The following SLC7A9 variants were observed in gnomAD, a reference collection of about 807,000 sequenced individuals.
SLC7A9 encodes B(0,+)-type amino acid transporter 1.
SLC7A9 carries 38 observed loss-of-function variants against 54.1 expected under a neutral mutation model. That is an observed-to-expected ratio of 0.70 (90% CI 0.54 to 0.92). The LOEUF (loss-of-function observed/expected upper bound fraction) is 0.92. SLC7A9 is among the 40% of genes least tolerant of loss of function. The pLI is 0.00. For synonymous variants in SLC7A9, 264 were observed against 258.9 expected, an observed-to-expected ratio of 1.02 and a Z score of -0.19; for missense variants, 537 against 636.1, an observed-to-expected ratio of 0.84 and a Z score of 1.68.
At chr19:32,859,728 T>A in intron 8 of SLC7A9, 113 bp downstream of exon 8, 1 of 955,554 alleles carries the variant, frequency 1.0e-6, no homozygotes, top group Non-Finnish European at 1.7e-6. Flanking sequence ...CATGTCCCCG[T>A]CCGTGAATAT....
At chr19:32,846,777 G>A (rs972950122) in intron 9 of SLC7A9, among the ~76,000 whole-genome samples, 1 of 152,240 alleles carries the variant, frequency 6.6e-6, no homozygotes, top group Non-Finnish European at 1.5e-5. Flanking sequence ...CCCAGTAGGG[G>A]CAGACTGACA....
intron 9 of SLC7A9, among the ~76,000 whole-genome samples, chr19:32,852,880 G>C (rs1458456919): frequency 6.8e-6 from 1 of 148,024 alleles, no homozygotes; most frequent in African/African-American, 2.5e-5. Context: ...AGTCCTGCCA[G>C]ATTTTACAAG....
chr19:32,835,195 T>G (rs2145797243), intron 11 of SLC7A9, among the ~76,000 whole-genome samples: 1 of 152,362 alleles, frequency 6.6e-6, no homozygotes, highest in Middle Eastern at 3.4e-3. Context: ...GGGTTCTGTT[T>G]GTTAACATTT....
intron 2 of SLC7A9, among the ~76,000 whole-genome samples, chr19:32,866,174 C>G (rs1030967537): frequency 6.6e-6 from 1 of 152,138 alleles, no homozygotes; most frequent in Non-Finnish European, 1.5e-5. Context: ...GGGCTCCCAG[C>G]TGCAGGCTGC....
chr19:32,864,422 C>G (rs1486406060), intron 3 of SLC7A9, 84 bp from the exon 4 acceptor site: 9 of 1,586,858 alleles, frequency 5.7e-6, no homozygotes, highest in Non-Finnish European at 7.7e-6. Flanking sequence ...CCGGAGGCTG[C>G]GCTCGTATGG....
chr19:32,844,346 A>G (rs1002449612), intron 9 of SLC7A9, among the ~76,000 whole-genome samples: 3 of 152,156 alleles, frequency 2.0e-5, no homozygotes, highest in Admixed American at 2.0e-4. Context: ...TCCCCTAGCT[A>G]TCTGAAGCTA....
rs192534799 is a variant in SLC7A9 at position 32,857,324 on chromosome 19, G to T, written c.977+1116C>A. ...CTGGGTGTGATGGCACGTGCCTGTG[G>T]TCCCAGCTATTCCAGAGGCTGAGGA... On this transcript the variant is annotated intron_variant, in intron 9 of 12. Transcript: ENST00000023064. 4.0e-3 allele frequency among the ~76,000 whole-genome samples: 612 copies of T among 151,318 alleles called. 4 individuals carry two copies. The highest frequency in any genetic ancestry group is 0.014 in the African/African-American group (575 of 41,208).
At chr19:32,860,219 C>T (rs1599681451) in intron 7 of SLC7A9, 10 of 1,436,804 alleles carry the variant, frequency 7.0e-6, no homozygotes, top group Non-Finnish European at 9.1e-6. Flanking sequence ...ACTGCTCTGT[C>T]CCAAACCAAA....
Position 32,850,791 on chromosome 19 carries a change from AACCAAAACAGCATGGTACTGGT to A in SLC7A9, c.978-6862_978-6841del, listed in dbSNP as rs1393230637. The stretch of plus-strand genomic sequence containing the variant: ...TCAAACTATACTACAAGGCTACAGT[AACCAAAACAGCATGGTACTGGT>A]ACCAAAACAGAGAGATACATCAATG... On this transcript the variant is annotated intron_variant, in intron 9 of 12. Transcript: ENST00000023064. Among the ~76,000 whole-genome samples, 18 of 152,346 alleles carry A rather than the reference AACCAAAACAGCATGGTACTGGT, an allele frequency of 1.2e-4. No individual in the cohort carries two copies. In the East Asian group the frequency reaches 3.1e-3, roughly 26 times the overall value.
chr19:32,843,901 T>G lies in SLC7A9; in HGVS notation c.1028A>C (p.Tyr343Ser), dbSNP rs745333697. Residue 343 changes from tyrosine to serine, a missense_variant, in exon 10 of 13, where the codon TAC becomes TCC. Tyr to Ser is a moderately radical substitution (Grantham distance 144). Transcript: ENST00000023064. ...REGHMLKVLSYISVRRLTPAP... is the reference protein window; with the variant it reads ...REGHMLKVLSSISVRRLTPAP... ...TGGAGTGAGGCGCCTGACGCTGATG[T>G]AAGAAAGCACTTTGAGCATGTGACC... 6 of 1,613,844 alleles carry G rather than the reference T, an allele frequency of 3.7e-6. No individual in the cohort carries two copies. The Admixed American group carries it at 1.0e-4, about 27-fold the overall frequency.
chr19:32,860,072 G>A (rs1394961086), intron 7 of SLC7A9, 108 bp from the exon 8 acceptor site: 1 of 1,597,572 alleles, frequency 6.3e-7, no homozygotes, highest in Non-Finnish European at 8.5e-7. Context: ...GGTAGCAGAG[G>A]CCCAGCAGGA....
chr19:32,858,507 T>G lies in SLC7A9; in HGVS notation c.910A>C (p.Ile304Leu), dbSNP rs1470791128. The G allele has an allele frequency of 8.1e-6, 13 of 1,613,392 alleles. No homozygotes were observed. The highest frequency in any genetic ancestry group is 1.1e-5 in the Non-Finnish European group (13 of 1,179,914). Residue 304 changes from isoleucine (I) to leucine (L), a missense_variant, in exon 9 of 13, where the codon ATC becomes CTC. Coordinates refer to ENST00000023064, the MANE Select transcript of SLC7A9 (RefSeq NM_014270.5). ...GDRVLYPASW[I>L]VPLFVAFSTI... ...GAAAATGCCACAAAAAGTGGAACGA[T>G]CCAAGAAGCAGGATAGAGAACACGG...
chr19:32,851,838 G>A (rs1325278465), intron 9 of SLC7A9, among the ~76,000 whole-genome samples: 1 of 152,128 alleles, frequency 6.6e-6, no homozygotes, highest in East Asian at 1.9e-4. Context: ...ATACTATGTA[G>A]CCATAAAAAA....
chr19:32,860,087 A>G (rs757350355), intron 7 of SLC7A9, 123 bp from the exon 8 acceptor site: 2 of 1,578,890 alleles, frequency 1.3e-6, no homozygotes, highest in Non-Finnish European at 1.7e-6. Flanking sequence ...GCAGGAACAT[A>G]AGACATTTTC....
At position 32,868,172 on chromosome 19, in the gene SLC7A9, A is replaced by G. The variant is rs538215676; in HGVS notation, c.87+276T>C. 2.9e-3 allele frequency among the ~76,000 whole-genome samples: 419 copies of G among 144,570 alleles called. 3 individuals are homozygous for G. The highest frequency in any genetic ancestry group is 1.0e-2 in the African/African-American group (390 of 39,102). The allele number at this position is 144,570 out of a possible 152,430, so 94.8% of individuals were successfully genotyped here. A position where few individuals can be genotyped will look rare whatever the true frequency, so the allele number is the denominator to read the frequency against. ...CTTGAACCGGGGAGGTGAAGGTTGC[A>G]TTGAGCCGAGATGGCAGCACTGCAC... On this transcript the variant is annotated intron_variant, in intron 2 of 12. Coordinates refer to ENST00000023064, the MANE Select transcript of SLC7A9 (RefSeq NM_014270.5).
intron 1 of SLC7A9, among the ~76,000 whole-genome samples, chr19:32,869,436 G>A (rs57910615): frequency 0.098 from 14,830 of 151,848 alleles, 910 homozygotes; most frequent in Middle Eastern, 0.16. Context: ...TATTTGCCCC[G>A]GCTGGCCTCA....
At chr19:32,836,071 G>A (rs1304485077) in intron 11 of SLC7A9, among the ~76,000 whole-genome samples, 4 of 151,740 alleles carry the variant, frequency 2.6e-5, no homozygotes, top group South Asian at 2.1e-4. Flanking sequence ...CCGCCACCAC[G>A]CCCGGCTAAT....
intron 9 of SLC7A9, among the ~76,000 whole-genome samples, chr19:32,848,193 C>T (rs1199360860): frequency 4.2e-4 from 64 of 152,328 alleles, no homozygotes; most frequent in Non-Finnish European, 8.2e-4. Flanking sequence ...ACAATATTAA[C>T]TTTAAATGTA....
At chr19:32,837,925 C>T (rs1968011652) in intron 11 of SLC7A9, among the ~76,000 whole-genome samples, 1 of 152,078 alleles carries the variant, frequency 6.6e-6, no homozygotes, top group Admixed American at 6.5e-5. Flanking sequence ...GTGTTAAAAG[C>T]TAATAAGCAA....
Sources: allele counts gnomAD v4.1 joint callset (sites outside exome capture counted in the v4.1 genomes callset), GRCh38; gene constraint gnomAD v4.1.1; transcripts MANE v1.5; gene names NCBI Gene and HGNC (gene_info 2026-07-23, HGNC 2026-07-21).